GAB1: variants seen among roughly 807,000 people sequenced by gnomAD.
GAB1 encodes GRB2 associated binding protein 1.
GAB1 carries 19 observed loss-of-function variants against 66.5 expected under a neutral mutation model. The ratio of observed to expected loss-of-function variants is 0.29; its 90% CI spans 0.20 to 0.42. The LOEUF is 0.42. Among genes scored for constraint, GAB1 ranks in the 10% least tolerant of loss-of-function variants. The pLI, the probability that GAB1 is intolerant of heterozygous loss-of-function variation, is 1.00. For synonymous variants in GAB1, 294 were observed against 301.4 expected (o/e 0.98, Z 0.25); for missense variants, 732 against 858.5 (o/e 0.85, Z 1.84).
At chr4:143,349,089 C>T (rs941611108) in intron 1 of GAB1, among the ~76,000 whole-genome samples, 2 of 152,194 alleles carry the variant, frequency 1.3e-5, no homozygotes, top group African/African-American at 4.8e-5. Flanking sequence ...TGTTTACTTG[C>T]TTATTTCCCC....
At chr4:143,462,927 G>T (rs1227055446) in intron 8 of GAB1, among the ~76,000 whole-genome samples, 1 of 152,188 alleles carries the variant, frequency 6.6e-6, no homozygotes, top group Non-Finnish European at 1.5e-5. Context: ...TTCCCAGAGT[G>T]CTGGGATTAC....
intron 1 of GAB1, among the ~76,000 whole-genome samples, chr4:143,368,367 C>T (rs1729975256): frequency 6.6e-6 from 1 of 152,130 alleles, no homozygotes; most frequent in Non-Finnish European, 1.5e-5. Context: ...TTTTCTTACA[C>T]TGTGCTGTAT....
chr4:143,448,919 A>G lies in GAB1; in HGVS notation c.1585+8537A>G, dbSNP rs372923582. On this transcript the variant is annotated intron_variant, in intron 6 of 9. Coordinates refer to ENST00000262994, the MANE Select transcript of GAB1 (RefSeq NM_002039.4). ...TTGGATCTTTCCTGCTTTCTCTTGTAGGCATTTAGTGCTATAAATTTCCCT... is the reference window on the plus strand; with the variant it reads ...TTGGATCTTTCCTGCTTTCTCTTGTGGGCATTTAGTGCTATAAATTTCCCT... 4.9e-3 allele frequency among the ~76,000 whole-genome samples: 742 copies of G among 151,348 alleles called. 4 individuals are homozygous for G. Among genetic ancestry groups the G allele is most frequent in the African/African-American group, 0.017 (689 of 40,970 alleles).
rs749186578 is a variant in GAB1 at position 143,438,147 on chromosome 4, C to T, written c.742C>T (p.Arg248Cys). Residue 248 changes from arginine (R) to cysteine (C), a missense_variant, in exon 4 of 10, where the codon CGT becomes TGT. By Grantham distance (180) the Arg-to-Cys change is radical. Transcript: ENST00000262994. Reference protein sequence around the residue: ...QQMIYDSPPSRAPSASVDSSL... With the variant: ...QQMIYDSPPSCAPSASVDSSL... ...AATGATATACGACTCTCCACCTTCACGTGCCCCATCTGCTTCAGTTGACTC... is the reference window on the plus strand; with the variant it reads ...AATGATATACGACTCTCCACCTTCATGTGCCCCATCTGCTTCAGTTGACTC... 1.9e-5 allele frequency: 31 copies of T among 1,613,914 alleles called. 1 individual carries two copies. Among genetic ancestry groups the T allele is most frequent in the East Asian group, 8.9e-5 (4 of 44,880 alleles).
chr4:143,424,118 T>C (rs922179719), intron 2 of GAB1, among the ~76,000 whole-genome samples: 1 of 152,084 alleles, frequency 6.6e-6, no homozygotes, highest in Non-Finnish European at 1.5e-5. Flanking sequence ...TAAAAGTGTA[T>C]CTGTAAAAAC....
intron 6 of GAB1, among the ~76,000 whole-genome samples, chr4:143,454,622 G>A (rs1191005053): frequency 6.6e-6 from 1 of 152,160 alleles, no homozygotes; most frequent in Admixed American, 6.5e-5. Context: ...AGGTAAAACC[G>A]GTCTTAGGGT....
chr4:143,462,416 T>G (rs1453990156), intron 8 of GAB1, among the ~76,000 whole-genome samples: 1 of 152,044 alleles, frequency 6.6e-6, no homozygotes, highest in African/African-American at 2.4e-5. Flanking sequence ...AGAGTGTGTC[T>G]TTTTGCCCAA....
intron 1 of GAB1, among the ~76,000 whole-genome samples, chr4:143,352,748 G>A (rs17017635): frequency 0.032 from 4,814 of 152,198 alleles, 255 homozygotes; most frequent in African/African-American, 0.11. Flanking sequence ...GGGAAAAAGA[G>A]ACAAGAAATA....
rs111840374 is a variant in GAB1, at chr4:143,369,257, A to T, written c.72+31997A>T. On this transcript the variant is annotated intron_variant, in intron 1 of 9. Coordinates refer to ENST00000262994, the MANE Select transcript of GAB1 (RefSeq NM_002039.4). ...CACCCGGCCATTTTTTTGTATTTTT[A>T]GTAGAGATGAGGTTTCACCATGTTG... Among the ~76,000 whole-genome samples, 417 of 151,998 alleles carry T rather than the reference A, an allele frequency of 2.7e-3. 3 individuals carry two copies. The highest frequency in any genetic ancestry group is 9.6e-3 in the African/African-American group (399 of 41,456).
chr4:143,387,021 G>T (rs1048284693), intron 1 of GAB1, among the ~76,000 whole-genome samples: 7 of 152,214 alleles, frequency 4.6e-5, no homozygotes, highest in Admixed American at 4.6e-4. Flanking sequence ...AGAATGATAA[G>T]AAGGGTGAAT....
chr4:143,368,845 C>T (rs1729995116), intron 1 of GAB1, among the ~76,000 whole-genome samples: 1 of 152,070 alleles, frequency 6.6e-6, no homozygotes, highest in African/African-American at 2.4e-5. Context: ...AGCACTATGG[C>T]GCCATCTTGA....
chr4:143,468,905 A>G, intron 9 of GAB1, 126 bp from the exon 10 acceptor site: 2 of 959,020 alleles, frequency 2.1e-6, no homozygotes, highest in Non-Finnish European at 3.0e-6. Flanking sequence ...CCTGGGCAAC[A>G]AGAGCAAAAC....
intron 6 of GAB1, among the ~76,000 whole-genome samples, chr4:143,443,556 G>A (rs1734350186): frequency 6.6e-6 from 1 of 152,084 alleles, no homozygotes; most frequent in Non-Finnish European, 1.5e-5. Flanking sequence ...ATTTTTCTCA[G>A]TATTCATAGC....
At chr4:143,346,822 G>C (rs1472325033) in intron 1 of GAB1, among the ~76,000 whole-genome samples, 2 of 152,200 alleles carry the variant, frequency 1.3e-5, no homozygotes, top group African/African-American at 4.8e-5. Flanking sequence ...TTTGTTCCTA[G>C]TGATGCTGTT....
chr4:143,433,595 C>G lies in GAB1; in HGVS notation c.472C>G (p.Leu158Val), dbSNP rs1381835671. The change falls in exon 3 of 10, where the codon CTA (leucine) becomes GTA (valine). Residue 158 changes from leucine (L) to valine (V), a missense_variant. Coordinates refer to ENST00000262994, the MANE Select transcript of GAB1 (RefSeq NM_002039.4). ...CCAGGCAGATTCATCCTCTGCTACT[C>G]TACCTCCTCCATATCAGCTAATCAA... The part of the protein sequence containing the change: ...STQADSSSAT[L>V]PPPYQLINVP... 2 of 1,613,938 alleles carry G rather than the reference C, an allele frequency of 1.2e-6. No individual in the cohort carries two copies. Among genetic ancestry groups the G allele is most frequent in the South Asian group, 2.2e-5 (2 of 91,084 alleles).
rs71588246 is a variant in GAB1 at position 143,338,712 on chromosome 4, G to GGGGTGTGTGTGT, written c.72+1453_72+1454insGGTGTGTGTGTG. Among the ~76,000 whole-genome samples the GGGGTGTGTGTGT allele has an allele frequency of 3.0e-3, 451 of 149,286 alleles. 1 individual carries two copies. The highest frequency in any genetic ancestry group is 0.011 in the African/African-American group (429 of 40,286). ...CAGCTGTTCTAAAGAGAAAGGTAGG[G>GGGGTGTGTGTGT]GTGTGTGTGTGTGTGTGTATGTGAC... On this transcript the variant is annotated intron_variant, in intron 1 of 9. Coordinates refer to ENST00000262994, the MANE Select transcript of GAB1 (RefSeq NM_002039.4).
intron 6 of GAB1, among the ~76,000 whole-genome samples, chr4:143,451,957 G>A (rs759868078): frequency 6.6e-6 from 1 of 151,934 alleles, no homozygotes; most frequent in Non-Finnish European, 1.5e-5. Flanking sequence ...TCTGAAGCAC[G>A]TCAGGGCCTT....
chr4:143,446,246 A>G (rs994504418), intron 6 of GAB1, among the ~76,000 whole-genome samples: 4 of 152,154 alleles, frequency 2.6e-5, no homozygotes, highest in Non-Finnish European at 5.9e-5. Flanking sequence ...TAGTGCTGCA[A>G]TAAACATACG....
intron 2 of GAB1, among the ~76,000 whole-genome samples, chr4:143,427,528 T>C (rs1733428588): frequency 1.3e-5 from 2 of 151,702 alleles, no homozygotes; most frequent in Non-Finnish European, 2.9e-5. Context: ...GGCCAAAGCC[T>C]GACTGGTAAA....
Sources: allele counts gnomAD v4.1 joint callset (sites outside exome capture counted in the v4.1 genomes callset), GRCh38; gene constraint gnomAD v4.1.1; transcripts MANE v1.5; gene names NCBI Gene and HGNC (gene_info 2026-07-23, HGNC 2026-07-21).